The following GAB1 variants were observed in gnomAD, a reference collection of about 807,000 sequenced individuals.
GAB1 encodes the protein GRB2-associated-binding protein 1.
Under a neutral mutation model 66.5 loss-of-function variants are expected in GAB1, and 19 were observed. That is an observed-to-expected ratio of 0.29 (90% confidence interval 0.20 to 0.42). The LOEUF is 0.42. GAB1 is among the 10% of genes least tolerant of loss of function. The pLI is 1.00. For synonymous variants in GAB1, 294 were observed against 301.4 expected (o/e 0.98, Z 0.25); for missense variants, 732 against 858.5 (o/e 0.85, Z 1.84).
At chr4:143,443,014 C>CTTTTT (rs755148605) in intron 6 of GAB1, among the ~76,000 whole-genome samples, 1 of 126,780 alleles carries the variant, frequency 7.9e-6, no homozygotes, top group Non-Finnish European at 1.7e-5. Flanking sequence ...TACTATTTTA[C>CTTTTT]TTTTTTTTTT....
intron 3 of GAB1, among the ~76,000 whole-genome samples, chr4:143,436,681 G>A (rs1480801759): frequency 6.6e-6 from 1 of 152,164 alleles, no homozygotes; most frequent in Non-Finnish European, 1.5e-5. Context: ...TAAGCCTGGA[G>A]AATCTGGATA....
intron 2 of GAB1, chr4:143,425,005 C>T (rs1305551797): frequency 7.8e-5 from 55 of 701,506 alleles, no homozygotes; most frequent in South Asian, 4.4e-4. Context: ...GGGGTCCATA[C>T]GGCGTTGTTC....
intron 3 of GAB1, among the ~76,000 whole-genome samples, chr4:143,437,294 A>C (rs1339340985): frequency 6.6e-6 from 1 of 152,206 alleles, no homozygotes; most frequent in African/African-American, 2.4e-5. Context: ...GTATACCCAA[A>C]TTTTGTGATA....
chr4:143,457,596 T>C, intron 6 of GAB1: 1 of 117,912 alleles, frequency 8.5e-6, no homozygotes, highest in Non-Finnish European at 1.5e-5. Flanking sequence ...GCTCTGTTGC[T>C]TTTTTTTTTT....
intron 1 of GAB1, among the ~76,000 whole-genome samples, chr4:143,371,614 A>T (rs13104755): frequency 6.6e-6 from 1 of 152,036 alleles, no homozygotes; most frequent in Non-Finnish European, 1.5e-5. Context: ...TTAGTCTTGA[A>T]GTCCTTGCCC....
chr4:143,459,431 A>AT lies in GAB1; in HGVS notation c.1634dup (p.Leu545PhefsTer6), dbSNP rs1466179662. The AT allele has an allele frequency of 6.2e-7, 1 of 1,611,036 alleles. No individual in the cohort carries two copies. The highest frequency in any genetic ancestry group is 1.7e-5 in the Admixed American group (1 of 60,004). ...TAAAACCTTTGCCAGAATGGGAAGA[A>AT]TTACAAGCCCCAGTTAGATCTCCCA... On this transcript the variant is annotated frameshift_variant, in exon 7 of 10. Transcript: ENST00000262994. LOFTEE classifies it high-confidence loss of function.
chr4:143,469,180 T>C lies in GAB1; in HGVS notation c.2076T>C (p.Ser692=). Residue 692 remains serine, a synonymous_variant, in exon 10 of 10, where the codon AGT becomes AGC. Coordinates refer to ENST00000262994, the MANE Select transcript of GAB1 (RefSeq NM_002039.4). ...QSTESETPAK[S]VK ...CAGAATCAGAAACGCCAGCGAAGAG[T>C]GTGAAATGAAAATATTGCCTTGCCA... 6.2e-7 allele frequency: 1 copy of C among 1,613,734 alleles called. No homozygotes were observed. The highest frequency in any genetic ancestry group is 8.5e-7 in the Non-Finnish European group (1 of 1,179,860).
chr4:143,351,464 T>G (rs1729219385), intron 1 of GAB1, among the ~76,000 whole-genome samples: 2 of 152,124 alleles, frequency 1.3e-5, no homozygotes, highest in South Asian at 4.1e-4. Flanking sequence ...TTCGTCAGGA[T>G]GTCCAGCCGC....
At chr4:143,348,778 G>A (rs563594921) in intron 1 of GAB1, among the ~76,000 whole-genome samples, 1 of 152,224 alleles carries the variant, frequency 6.6e-6, no homozygotes, top group Non-Finnish European at 1.5e-5. Flanking sequence ...CATCCATCCA[G>A]TAGTGTTTGT....
chr4:143,393,505 C>T (rs2149689465), intron 1 of GAB1, among the ~76,000 whole-genome samples: 1 of 152,260 alleles, frequency 6.6e-6, no homozygotes, highest in South Asian at 2.1e-4. Context: ...TAAATTACAG[C>T]CTACCTCATA....
intron 1 of GAB1, chr4:143,395,540 C>T (rs1053575160): frequency 2.6e-5 from 5 of 193,478 alleles, no homozygotes; most frequent in East Asian, 3.3e-4. Flanking sequence ...TCCATGTTTT[C>T]GTGGATTAGT....
intron 1 of GAB1, among the ~76,000 whole-genome samples, chr4:143,342,782 C>T (rs1023129477): frequency 5.3e-5 from 8 of 151,438 alleles, no homozygotes; most frequent in Non-Finnish European, 1.0e-4. Context: ...AGGCTGGTCT[C>T]GAACTCCTGA....
At position 143,440,067 on chromosome 4, in the gene GAB1, T is replaced by C; in HGVS notation, c.1282-12T>C. The C allele has an allele frequency of 6.2e-7, 1 of 1,605,146 alleles. No homozygotes were observed. The highest frequency in any genetic ancestry group is 8.5e-7 in the Non-Finnish European group (1 of 1,174,502). On this transcript the variant is annotated splice_polypyrimidine_tract_variant and intron_variant, in intron 5 of 9. Transcript: ENST00000262994. Reference sequence around the variant, plus strand: ...GTTTTTGTTTATTAAAAGAAATATATATGTGTTTTAGAAAGTCAAAAATGT... The same window carrying C: ...GTTTTTGTTTATTAAAAGAAATATACATGTGTTTTAGAAAGTCAAAAATGT...
chr4:143,400,500 G>T (rs978652566), intron 1 of GAB1, among the ~76,000 whole-genome samples: 1 of 152,326 alleles, frequency 6.6e-6, no homozygotes, highest in Middle Eastern at 3.4e-3. Context: ...GGCTTCACTT[G>T]TGAGAGAATA....
intron 1 of GAB1, among the ~76,000 whole-genome samples, chr4:143,342,553 T>C (rs1728857004): frequency 8.1e-6 from 1 of 124,176 alleles, no homozygotes; most frequent in Non-Finnish European, 1.7e-5. Flanking sequence ...CTTTTTTTTT[T>C]TTTTTTTTTT....
chr4:143,349,635 G>A (rs1405954108), intron 1 of GAB1: 17 of 1,467,422 alleles, frequency 1.2e-5, no homozygotes, highest in Non-Finnish European at 1.5e-5. Flanking sequence ...GGGGCTTGCC[G>A]ATCTTGTTCC....
intron 1 of GAB1, among the ~76,000 whole-genome samples, chr4:143,351,552 A>G (rs1243702221): frequency 6.6e-6 from 1 of 152,180 alleles, no homozygotes; most frequent in Non-Finnish European, 1.5e-5. Context: ...GGTCTTGGAA[A>G]GGTGACCTTT....
intron 6 of GAB1, among the ~76,000 whole-genome samples, chr4:143,454,355 T>C (rs1560782365): frequency 1.3e-5 from 2 of 152,232 alleles, no homozygotes; most frequent in South Asian, 4.1e-4. Flanking sequence ...AATAAAAATA[T>C]ACAGATGAAT....
intron 6 of GAB1, among the ~76,000 whole-genome samples, chr4:143,454,827 T>G (rs775928878): frequency 6.6e-6 from 1 of 152,204 alleles, no homozygotes; most frequent in South Asian, 2.1e-4. Context: ...GTCTGTCTTC[T>G]GTCCTTTTCA....
Sources: gnomAD v4.1 joint callset for allele counts (sites outside exome capture counted in the v4.1 genomes callset) on GRCh38, gnomAD v4.1.1 for gene constraint, MANE v1.5 for transcripts, NCBI Gene and HGNC (gene_info 2026-07-23, HGNC 2026-07-21) for gene names.